Variants in CACNA2D3 observed in about 807,000 individuals in gnomAD.
CACNA2D3 encodes the protein calcium voltage-gated channel auxiliary subunit alpha2delta 3.
Under a neutral mutation model 160.6 loss-of-function variants are expected in CACNA2D3, and 60 were observed. The ratio of observed to expected loss-of-function variants is 0.37; its 90% confidence interval spans 0.30 to 0.46. The LOEUF (loss-of-function observed/expected upper bound fraction) is 0.46. CACNA2D3 is among the 20% of genes least tolerant of loss of function. CACNA2D3 has a pLI of 1.00. For missense variants in CACNA2D3, 1,205 were observed against 1,365.0 expected (o/e 0.88, Z 1.85); for synonymous variants, 558 against 492.9 (o/e 1.13, Z -1.75).
intron 4 of CACNA2D3, among the ~76,000 whole-genome samples, chr3:54,494,024 A>T (rs1488822882): frequency 2.0e-5 from 3 of 152,320 alleles, no homozygotes; most frequent in Non-Finnish European, 4.4e-5. Context: ...TGAACAACAC[A>T]CCCAGTACTT....
chr3:54,637,381 G>T (rs1048692478), intron 10 of CACNA2D3, among the ~76,000 whole-genome samples: 4 of 151,776 alleles, frequency 2.6e-5, no homozygotes, highest in African/African-American at 4.9e-5. Context: ...GCTTTTGATT[G>T]GGAAGAAGGG....
intron 4 of CACNA2D3, among the ~76,000 whole-genome samples, chr3:54,405,224 T>C (rs1337344561): frequency 6.7e-6 from 1 of 148,966 alleles, no homozygotes; most frequent in African/African-American, 2.5e-5. Context: ...CCCTAAAATT[T>C]ATGTGGAACC....
intron 2 of CACNA2D3, among the ~76,000 whole-genome samples, chr3:54,129,541 G>T (rs569133113): frequency 6.6e-6 from 1 of 152,158 alleles, no homozygotes. Flanking sequence ...ACATTTCAAG[G>T]CCATATTGGA....
At chr3:54,359,060 A>G (rs143564909) in intron 3 of CACNA2D3, among the ~76,000 whole-genome samples, 5 of 152,264 alleles carry the variant, frequency 3.3e-5, no homozygotes, top group Admixed American at 2.0e-4. Context: ...TTAGTATTTC[A>G]TAACTATGCA....
chr3:54,164,997 G>A (rs772430727), intron 2 of CACNA2D3, among the ~76,000 whole-genome samples: 18 of 152,170 alleles, frequency 1.2e-4, no homozygotes. Flanking sequence ...TGTTACTGCC[G>A]CTTTCACCTT....
chr3:54,489,499 G>C (rs1213767523), intron 4 of CACNA2D3, among the ~76,000 whole-genome samples: 4 of 152,302 alleles, frequency 2.6e-5, no homozygotes, highest in African/African-American at 9.6e-5. Flanking sequence ...ATCTAATATT[G>C]TGTGCCAGGC....
intron 34 of CACNA2D3, among the ~76,000 whole-genome samples, chr3:55,015,414 AAATT>A (rs1362037310): frequency 8.5e-5 from 13 of 152,178 alleles, no homozygotes; most frequent in African/African-American, 2.4e-4. Context: ...TTTTACTATT[AAATT>A]AATTAATTCA....
At chr3:54,963,294 T>C (rs1230508462) in intron 27 of CACNA2D3, among the ~76,000 whole-genome samples, 2 of 152,088 alleles carry the variant, frequency 1.3e-5, no homozygotes, top group African/African-American at 4.8e-5. Flanking sequence ...TGGACGGGTT[T>C]GTGGAGAATT....
intron 17 of CACNA2D3, among the ~76,000 whole-genome samples, chr3:54,855,628 G>A (rs1277394403): frequency 6.6e-6 from 1 of 152,128 alleles, no homozygotes; most frequent in African/African-American, 2.4e-5. Flanking sequence ...GAAAGAGATG[G>A]AGGGAAGGAA....
chr3:54,897,647 A>G (rs140179667), intron 26 of CACNA2D3, among the ~76,000 whole-genome samples: 464 of 152,324 alleles, frequency 3.0e-3, no homozygotes, highest in Non-Finnish European at 5.2e-3. Flanking sequence ...TATTTTACAT[A>G]TATCAGTTCC....
intron 12 of CACNA2D3, among the ~76,000 whole-genome samples, chr3:54,763,842 T>G: frequency 1.8e-5 from 1 of 56,524 alleles, no homozygotes; most frequent in South Asian, 7.1e-4. Flanking sequence ...TATGTATATA[T>G]ATGTACATAT....
chr3:55,007,736 T>C, intron 32 of CACNA2D3, 54 bp from the exon 33 acceptor site: 1 of 1,164,188 alleles, frequency 8.6e-7, no homozygotes, highest in South Asian at 1.5e-5. Context: ...TAAATTAAGC[T>C]ACAAATTTTG....
intron 11 of CACNA2D3, among the ~76,000 whole-genome samples, chr3:54,674,659 G>A (rs1170576816): frequency 6.6e-6 from 1 of 152,080 alleles, no homozygotes; most frequent in African/African-American, 2.4e-5. Context: ...ATTGAGTGTA[G>A]ATTCAAAAGG....
At chr3:54,947,737 T>C (rs116578519) in intron 27 of CACNA2D3, among the ~76,000 whole-genome samples, 2,543 of 152,258 alleles carry the variant, frequency 0.017, 67 homozygotes, top group African/African-American at 0.057. Context: ...AGTTACCCTA[T>C]GTATTCCAAA....
At chr3:54,960,589 CA>C (rs1702007436) in intron 27 of CACNA2D3, among the ~76,000 whole-genome samples, 1 of 152,064 alleles carries the variant, frequency 6.6e-6, no homozygotes, top group Non-Finnish European at 1.5e-5. Context: ...AATATTTCTC[CA>C]AAGGTTGTTG....
intron 11 of CACNA2D3, among the ~76,000 whole-genome samples, chr3:54,696,454 G>A (rs1376595854): frequency 6.6e-6 from 1 of 152,200 alleles, no homozygotes. Flanking sequence ...AGCTGATTTT[G>A]TAATTCACTT....
At chr3:54,409,259 T>C (rs556154950) in intron 4 of CACNA2D3, among the ~76,000 whole-genome samples, 1 of 152,222 alleles carries the variant, frequency 6.6e-6, no homozygotes, top group African/African-American at 2.4e-5. Context: ...TTGCTATATG[T>C]GTTATGGTAA....
intron 2 of CACNA2D3, among the ~76,000 whole-genome samples, chr3:54,241,562 A>G (rs181723931): frequency 4.6e-5 from 7 of 152,350 alleles, no homozygotes; most frequent in African/African-American, 1.4e-4. Context: ...CTGGAGACCA[A>G]TTTGGGTATG....
At chr3:54,299,590 C>T (rs146071270) in intron 2 of CACNA2D3, among the ~76,000 whole-genome samples, 1 of 152,258 alleles carries the variant, frequency 6.6e-6, no homozygotes, top group East Asian at 1.9e-4. Context: ...GAAAAGCATT[C>T]AATTAACGAG....
Sources: allele counts gnomAD v4.1 joint callset (sites outside exome capture counted in the v4.1 genomes callset), GRCh38; gene constraint gnomAD v4.1.1; transcripts MANE v1.5; gene names NCBI Gene and HGNC (gene_info 2026-07-23, HGNC 2026-07-21).